The following EMCN variants were observed in gnomAD, a reference collection of about 807,000 sequenced individuals.
EMCN encodes MUC-14.
A neutral mutation model predicts 38.4 loss-of-function variants in EMCN; 37 were observed. That is an observed-to-expected ratio of 0.96 (90% confidence interval 0.74 to 1.27). The LOEUF (loss-of-function observed/expected upper bound fraction) is 1.27. Ranked by LOEUF, EMCN falls within the 50% of genes most tolerant of loss-of-function variation. The pLI is 0.00. For missense variants in EMCN, 318 were observed against 302.8 expected (o/e 1.05, Z -0.37); for synonymous variants, 95 against 100.8 (o/e 0.94, Z 0.35).
chr4:100,437,398 T>A (rs1474274757), intron 5 of EMCN, among the ~76,000 whole-genome samples: 1 of 152,154 alleles, frequency 6.6e-6, no homozygotes, highest in African/African-American at 2.4e-5. Flanking sequence ...CAGAAGCTTT[T>A]TAGTTTGATG....
intron 1 of EMCN, among the ~76,000 whole-genome samples, chr4:100,509,713 T>C (rs1011678772): frequency 1.3e-5 from 2 of 152,194 alleles, no homozygotes; most frequent in African/African-American, 4.8e-5. Flanking sequence ...TTTTTATAAC[T>C]GAAGCATTAT....
intron 1 of EMCN, among the ~76,000 whole-genome samples, chr4:100,487,745 C>T (rs1229284977): frequency 2.0e-5 from 3 of 152,222 alleles, no homozygotes; most frequent in Non-Finnish European, 4.4e-5. Flanking sequence ...GAGTTTGCTT[C>T]TCCTTCACCT....
At chr4:100,513,613 G>T (rs148818984) in intron 1 of EMCN, among the ~76,000 whole-genome samples, 2 of 152,214 alleles carry the variant, frequency 1.3e-5, no homozygotes, top group African/African-American at 4.8e-5. Flanking sequence ...TATAGTTTGA[G>T]AGCTGGCTAA....
Position 100,453,536 on chromosome 4 carries a change from G to A in EMCN, c.377-5965C>T, listed in dbSNP as rs567154606. The stretch of plus-strand genomic sequence containing the variant: ...GCCAGGAAACAACAGGTGCTGGAGA[G>A]GATGTGGAGAAATAGGAACACTTTT... On this transcript the variant is annotated intron_variant, in intron 4 of 11. Coordinates refer to ENST00000296420, the MANE Select transcript of EMCN (RefSeq NM_016242.4). 7.2e-5 allele frequency among the ~76,000 whole-genome samples: 11 copies of A among 152,302 alleles called. No individual in the cohort carries two copies. In the South Asian group the frequency reaches 2.1e-3, roughly 29 times the overall value.
intron 11 of EMCN, among the ~76,000 whole-genome samples, chr4:100,409,249 T>C (rs1726482445): frequency 6.6e-6 from 1 of 151,760 alleles, no homozygotes; most frequent in Non-Finnish European, 1.5e-5. Context: ...TTATTGTTAG[T>C]TGCCGAAAGG....
intron 1 of EMCN, among the ~76,000 whole-genome samples, chr4:100,490,711 G>A (rs550413986): frequency 6.6e-5 from 10 of 152,252 alleles, no homozygotes; most frequent in South Asian, 2.1e-4. Flanking sequence ...GTGTAAGTGC[G>A]CTTTATGATG....
At chr4:100,416,105 T>C (rs1194422021) in intron 9 of EMCN, 146 bp from the exon 10 acceptor site, 5 of 427,884 alleles carry the variant, frequency 1.2e-5, no homozygotes, top group African/African-American at 4.2e-5. Flanking sequence ...TGTGTGTGTG[T>C]ATACATACAT....
intron 1 of EMCN, among the ~76,000 whole-genome samples, chr4:100,497,526 A>G (rs953620720): frequency 2.0e-5 from 3 of 151,962 alleles, no homozygotes; most frequent in African/African-American, 7.2e-5. Flanking sequence ...ACAGGCACCC[A>G]CCACCACGCC....
intron 1 of EMCN, among the ~76,000 whole-genome samples, chr4:100,492,893 T>C (rs531096700): frequency 6.6e-6 from 1 of 152,300 alleles, no homozygotes; most frequent in East Asian, 1.9e-4. Flanking sequence ...CCATCACTTA[T>C]CAGCTATGTG....
At chr4:100,437,112 T>C (rs1242240016) in intron 5 of EMCN, among the ~76,000 whole-genome samples, 1 of 152,202 alleles carries the variant, frequency 6.6e-6, no homozygotes, top group Non-Finnish European at 1.5e-5. Context: ...TTTTTGATAA[T>C]ATACACCCTA....
At chr4:100,461,400 GA>G (rs1309204186) in intron 4 of EMCN, among the ~76,000 whole-genome samples, 10 of 151,984 alleles carry the variant, frequency 6.6e-5, no homozygotes. Flanking sequence ...TCATCCACTA[GA>G]AGGTAAATTT....
intron 10 of EMCN, among the ~76,000 whole-genome samples, chr4:100,411,511 T>A (rs993050855): frequency 1.3e-5 from 2 of 152,094 alleles, no homozygotes; most frequent in Non-Finnish European, 2.9e-5. Flanking sequence ...TTGAGAAAAA[T>A]TTAATAACAA....
rs758222250 is a variant in EMCN at position 100,423,525 on chromosome 4, G to C, written c.416-121C>G. 6.3e-5 allele frequency: 43 copies of C among 680,708 alleles called. 1 individual carries two copies. The highest frequency in any genetic ancestry group is 8.7e-5 in the Non-Finnish European group (33 of 377,598). 42.2% of individuals were successfully genotyped at this position (680,708 alleles called of 1,614,324 possible). On this transcript the variant is annotated intron_variant, in intron 5 of 11. Coordinates refer to ENST00000296420, the MANE Select transcript of EMCN (RefSeq NM_016242.4). The stretch of plus-strand genomic sequence containing the variant: ...TGTGAAAACTATTTATTGTCAAATA[G>C]TAGGATAAATGCAATCATAACACTA...
chr4:100,414,926 A>G (rs1319516419), intron 10 of EMCN, among the ~76,000 whole-genome samples: 1 of 152,060 alleles, frequency 6.6e-6, no homozygotes, highest in African/African-American at 2.4e-5. Context: ...TTTTTTATGA[A>G]GTCTCGCTCC....
intron 1 of EMCN, among the ~76,000 whole-genome samples, chr4:100,506,079 G>A (rs1729472489): frequency 6.6e-6 from 1 of 152,074 alleles, no homozygotes; most frequent in African/African-American, 2.4e-5. Context: ...TTTATGATTT[G>A]TGGTTTCTAT....
intron 9 of EMCN, 51 bp from the exon 10 acceptor site, chr4:100,416,010 T>C: frequency 8.2e-7 from 1 of 1,224,072 alleles, no homozygotes; most frequent in East Asian, 2.4e-5. Flanking sequence ...CAGCATTGTA[T>C]GTTTGTGAAA....
chr4:100,508,523 G>A (rs1729543044), intron 1 of EMCN, among the ~76,000 whole-genome samples: 2 of 152,052 alleles, frequency 1.3e-5, no homozygotes, highest in South Asian at 4.2e-4. Context: ...TACTGATCTA[G>A]GAACAACTGA....
intron 11 of EMCN, among the ~76,000 whole-genome samples, chr4:100,406,969 C>T (rs1726410568): frequency 6.6e-6 from 1 of 151,876 alleles, no homozygotes; most frequent in Non-Finnish European, 1.5e-5. Flanking sequence ...AACCCTTTAT[C>T]ACTTCCTTTC....
At chr4:100,414,652 C>A (rs1462263102) in intron 10 of EMCN, among the ~76,000 whole-genome samples, 1 of 152,056 alleles carries the variant, frequency 6.6e-6, no homozygotes, top group Non-Finnish European at 1.5e-5. Flanking sequence ...TTCAGCTGTT[C>A]CTGCTCTTCA....
Sources: allele counts gnomAD v4.1 joint callset (sites outside exome capture counted in the v4.1 genomes callset), GRCh38; gene constraint gnomAD v4.1.1; transcripts MANE v1.5; gene names NCBI Gene and HGNC (gene_info 2026-07-23, HGNC 2026-07-21).